CHD2: variants seen among roughly 807,000 people sequenced by gnomAD.
CHD2 encodes ATP-dependent chromatin remodeler CHD2.
Under a neutral mutation model 243.9 loss-of-function variants are expected in CHD2, and 28 were observed. The observed-to-expected ratio is 0.11, with a 90% CI of 0.09 to 0.16. The LOEUF (loss-of-function observed/expected upper bound fraction) is 0.16, where lower values mean the gene tolerates loss of function less well. Ranked by LOEUF, CHD2 falls within the 10% of genes least tolerant of loss-of-function variation. CHD2 has a pLI of 1.00. For missense variants in CHD2, 1,386 were observed against 2,209.8 expected, an observed-to-expected ratio of 0.63 and a Z score of 7.47; for synonymous variants, 775 against 779.0, an observed-to-expected ratio of 0.99 and a Z score of 0.09.
chr15:92,904,517 G>GGGA lies in CHD2; in HGVS notation c.62+3218_62+3219insGGA, dbSNP rs1567116829. The GGGA allele has an allele frequency of 5.0e-6, 5 of 996,106 alleles. No individual in the cohort carries two copies. In the African/African-American group the frequency reaches 8.7e-5, roughly 17 times the overall value. The allele number at this position is 996,106 out of a possible 1,614,324, so 61.7% of individuals were successfully genotyped here. On this transcript the variant is annotated intron_variant, in intron 2 of 38. Coordinates refer to ENST00000394196, the MANE Select transcript of CHD2 (RefSeq NM_001271.4). ...GGAAAAGGAAGGGAACTCTAGTTGG[G>GGGA]ACTTTCCGGTGGGCGGCTTCTTTCC...
chr15:93,025,880 G>A lies in CHD2; in HGVS notation c.*1175G>A, dbSNP rs774846256. 12 of 152,228 alleles carry A rather than the reference G, an allele frequency of 7.9e-5. No individual in the cohort carries two copies. The highest frequency in any genetic ancestry group is 6.5e-4 in the Admixed American group (10 of 15,284). The allele number at this position is 152,228 out of a possible 1,614,324, so 9.4% of individuals were successfully genotyped here. ...TCATGTGGTGGGCAGATGGAAATAAGTACCTGTGGTGAACAAGTTTCTACT... is the reference window on the plus strand; with the variant it reads ...TCATGTGGTGGGCAGATGGAAATAAATACCTGTGGTGAACAAGTTTCTACT... On this transcript the variant is annotated 3_prime_UTR_variant, in exon 39 of 39. Transcript: ENST00000394196.
At chr15:92,991,687 C>G (rs1043023868) in intron 27 of CHD2, 170 bp downstream of exon 27, 3 of 487,414 alleles carry the variant, frequency 6.2e-6, no homozygotes, top group African/African-American at 4.1e-5. Flanking sequence ...TCATGTCTCT[C>G]TGCAGAGGGA....
At chr15:92,956,354 A>C in intron 15 of CHD2, 105 bp from the exon 16 acceptor site, 1 of 826,674 alleles carries the variant, frequency 1.2e-6, no homozygotes, top group Non-Finnish European at 2.0e-6. Context: ...AAATGTGTCA[A>C]TTTATACCTT....
chr15:92,915,566 C>T (rs772520350), intron 2 of CHD2, among the ~76,000 whole-genome samples: 8 of 152,088 alleles, frequency 5.3e-5, no homozygotes, highest in Non-Finnish European at 8.8e-5. Context: ...CCACCACGCC[C>T]GGCCTAATAA....
chr15:92,968,118 T>C (rs1381905064), intron 17 of CHD2, among the ~76,000 whole-genome samples: 4 of 127,910 alleles, frequency 3.1e-5, no homozygotes, highest in African/African-American at 1.0e-4. Flanking sequence ...TATATTTTAA[T>C]CAATTTATTT....
intron 13 of CHD2, 101 bp downstream of exon 13, chr15:92,949,177 T>C: frequency 6.4e-7 from 1 of 1,551,704 alleles, no homozygotes; most frequent in Non-Finnish European, 8.6e-7. Flanking sequence ...CCTTATTGTA[T>C]CTCAACCAAG....
intron 16 of CHD2, chr15:92,965,189 A>G (rs1195046000): frequency 6.6e-6 from 1 of 152,184 alleles, no homozygotes; most frequent in Non-Finnish European, 1.5e-5. Context: ...CATCACCACT[A>G]TGACCTTATA....
At chr15:93,022,035 T>G (rs1293190061) in intron 38 of CHD2, 1 of 152,240 alleles carries the variant, frequency 6.6e-6, no homozygotes, top group Non-Finnish European at 1.5e-5. Context: ...AGAGCAGTGC[T>G]CAGTCAAGGG....
chr15:92,965,985 C>T (rs775007198), intron 16 of CHD2, among the ~76,000 whole-genome samples: 24 of 151,896 alleles, frequency 1.6e-4, no homozygotes, highest in Non-Finnish European at 3.2e-4. Flanking sequence ...TACTGATTTC[C>T]GGTCACTTCA....
At chr15:92,971,700 C>T in intron 17 of CHD2, 65 bp from the exon 18 acceptor site, 2 of 1,471,890 alleles carry the variant, frequency 1.4e-6, no homozygotes, top group Non-Finnish European at 1.9e-6. Context: ...CTCTTATACT[C>T]TTCTGGTACC....
At chr15:93,001,825 C>G (rs138543421) in intron 32 of CHD2, among the ~76,000 whole-genome samples, 1 of 152,162 alleles carries the variant, frequency 6.6e-6, no homozygotes, top group Non-Finnish European at 1.5e-5. Context: ...CCAATACATA[C>G]GTACATTTAA....
intron 2 of CHD2, among the ~76,000 whole-genome samples, chr15:92,911,754 A>G (rs2052740242): frequency 6.6e-6 from 1 of 152,150 alleles, no homozygotes; most frequent in Non-Finnish European, 1.5e-5. Flanking sequence ...TGCCCAAGAA[A>G]AAATCAACAT....
chr15:92,920,343 A>G (rs2052931678), intron 2 of CHD2, among the ~76,000 whole-genome samples: 1 of 152,216 alleles, frequency 6.6e-6, no homozygotes, highest in Non-Finnish European at 1.5e-5. Flanking sequence ...TTTGCAACTT[A>G]TTGATTAAGT....
At chr15:92,959,602 C>A (rs1475716338) in intron 16 of CHD2, among the ~76,000 whole-genome samples, 1 of 152,204 alleles carries the variant, frequency 6.6e-6, no homozygotes, top group Non-Finnish European at 1.5e-5. Context: ...AGTGATTCTC[C>A]TGCCTCAGCC....
chr15:92,912,555 A>G (rs2052757061), intron 2 of CHD2, among the ~76,000 whole-genome samples: 1 of 150,898 alleles, frequency 6.6e-6, no homozygotes, highest in Non-Finnish European at 1.5e-5. Flanking sequence ...TTGTTTTGAG[A>G]CGGAGTCTCG....
chr15:92,949,327 C>A, intron 13 of CHD2: 1 of 942,620 alleles, frequency 1.1e-6, no homozygotes, highest in Non-Finnish European at 1.4e-6. Context: ...TTTGTCATAG[C>A]CAGAAACCTG....
At chr15:92,905,123 C>A in intron 2 of CHD2, 1 of 850,506 alleles carries the variant, frequency 1.2e-6, no homozygotes, top group Non-Finnish European at 1.8e-6. Context: ...CGTTAGGCAA[C>A]CATTACTATG....
At chr15:92,910,648 C>T (rs551847034) in intron 2 of CHD2, among the ~76,000 whole-genome samples, 4 of 152,204 alleles carry the variant, frequency 2.6e-5, no homozygotes, top group South Asian at 2.1e-4. Context: ...TTGCCACCTC[C>T]GCCTCCCAAA....
At chr15:92,956,287 A>G (rs887635225) in intron 15 of CHD2, among the ~76,000 whole-genome samples, 172 bp from the exon 16 acceptor site, 10 of 152,316 alleles carry the variant, frequency 6.6e-5, no homozygotes, top group Non-Finnish European at 1.3e-4. Context: ...ATAGCTACCA[A>G]TCTGGCAACT....
Sources: allele counts gnomAD v4.1 joint callset (sites outside exome capture counted in the v4.1 genomes callset), GRCh38; gene constraint gnomAD v4.1.1; transcripts MANE v1.5; gene names NCBI Gene and HGNC (gene_info 2026-07-23, HGNC 2026-07-21).